DOK6: variants seen among roughly 807,000 people sequenced by gnomAD.
The protein encoded by DOK6 is downstream of tyrosine kinase 6.
DOK6 carries 22 observed loss-of-function variants against 44.0 expected under a neutral mutation model. The observed-to-expected ratio is 0.50, with a 90% CI of 0.36 to 0.71. The LOEUF is 0.71. Ranked by LOEUF, DOK6 falls within the 30% of genes least tolerant of loss-of-function variation. The pLI is 0.00. For missense variants in DOK6, 340 were observed against 416.4 expected (o/e 0.82, Z 1.60); for synonymous variants, 166 against 145.5 (o/e 1.14, Z -1.01).
chr18:69,533,663 G>T (rs9956018), intron 1 of DOK6, among the ~76,000 whole-genome samples: 56,557 of 151,840 alleles, frequency 0.37, 11,364 homozygotes, highest in African/African-American at 0.52. Context: ...TAAGTTATGA[G>T]ATAATGAATT....
chr18:69,547,399 G>A (rs959773965), intron 1 of DOK6, among the ~76,000 whole-genome samples: 4 of 150,878 alleles, frequency 2.7e-5, no homozygotes, highest in South Asian at 4.2e-4. Context: ...GCACCCTGCC[G>A]GGCACACACT....
chr18:69,504,368 C>A (rs1981127452), intron 1 of DOK6, among the ~76,000 whole-genome samples: 1 of 151,914 alleles, frequency 6.6e-6, no homozygotes, highest in South Asian at 2.1e-4. Context: ...AAAAAAAGCA[C>A]CAGCACTTTC....
intron 2 of DOK6, among the ~76,000 whole-genome samples, chr18:69,579,536 A>G (rs1013997992): frequency 6.6e-6 from 1 of 150,494 alleles, no homozygotes; most frequent in African/African-American, 2.4e-5. Flanking sequence ...GGTTTGTCCA[A>G]CTCTCCGAAG....
intron 1 of DOK6, among the ~76,000 whole-genome samples, chr18:69,497,241 A>C (rs973142539): frequency 6.6e-6 from 1 of 152,230 alleles, no homozygotes; most frequent in African/African-American, 2.4e-5. Flanking sequence ...TGAAATATAC[A>C]TTTCTTAAAC....
intron 7 of DOK6, among the ~76,000 whole-genome samples, chr18:69,809,320 A>C (rs1473812617): frequency 2.6e-5 from 4 of 151,890 alleles, no homozygotes; most frequent in Non-Finnish European, 5.9e-5. Context: ...AAGAAAGGCC[A>C]TCTATGACAA....
intron 6 of DOK6, among the ~76,000 whole-genome samples, chr18:69,741,469 A>G (rs1236915185): frequency 6.6e-6 from 1 of 152,192 alleles, no homozygotes; most frequent in African/African-American, 2.4e-5. Flanking sequence ...ATTTTTTTAT[A>G]GATACCTCAA....
intron 3 of DOK6, among the ~76,000 whole-genome samples, chr18:69,649,569 C>T (rs1476069557): frequency 6.6e-6 from 1 of 152,130 alleles, no homozygotes; most frequent in African/African-American, 2.4e-5. Flanking sequence ...TTTTCTGCAT[C>T]CCCCTTCTTA....
intron 1 of DOK6, among the ~76,000 whole-genome samples, chr18:69,410,833 A>G (rs1055451712): frequency 1.3e-5 from 2 of 152,176 alleles, no homozygotes; most frequent in African/African-American, 2.4e-5. Flanking sequence ...GATTTTCCCA[A>G]TGGGAGATTC....
At chr18:69,803,487 C>A (rs1212427996) in intron 7 of DOK6, among the ~76,000 whole-genome samples, 1 of 152,136 alleles carries the variant, frequency 6.6e-6, no homozygotes, top group Non-Finnish European at 1.5e-5. Flanking sequence ...AGATGACTCA[C>A]AATTTTATAG....
At chr18:69,720,371 C>T (rs1316259729) in intron 5 of DOK6, among the ~76,000 whole-genome samples, 1 of 152,062 alleles carries the variant, frequency 6.6e-6, no homozygotes, top group African/African-American at 2.4e-5. Flanking sequence ...TTTATGTTTG[C>T]ATTCCCCTTT....
At chr18:69,775,689 G>A (rs557118696) in intron 7 of DOK6, among the ~76,000 whole-genome samples, 49 of 151,690 alleles carry the variant, frequency 3.2e-4, no homozygotes, top group African/African-American at 1.1e-3. Context: ...ATATAAATAT[G>A]TAGAATCAAA....
intron 7 of DOK6, among the ~76,000 whole-genome samples, chr18:69,768,954 C>CGTGTGTGTGTGTGTGTGTGT (rs61202412): frequency 0.16 from 22,410 of 142,428 alleles, 2,328 homozygotes; most frequent in East Asian, 0.28. Context: ...GAAGGGTGTG[C>CGTGTGTGTGTGTGTGTGTGT]GTGTGTGTGT....
At chr18:69,732,483 A>T (rs568610299) in intron 5 of DOK6, among the ~76,000 whole-genome samples, 79 of 152,320 alleles carry the variant, frequency 5.2e-4, no homozygotes, top group Middle Eastern at 3.4e-3. Context: ...GCATAAAGAT[A>T]AATAGAAGAG....
rs1034100886 is a variant in DOK6 at position 69,847,445 on chromosome 18, C to T, written c.*6062C>T. On this transcript the variant is annotated 3_prime_UTR_variant, in exon 8 of 8. Transcript: ENST00000382713. ...GAGACCCACAGCCTCAAAAGAGTTG[C>T]TTATTATCAGATGTCCGAAATTCAG... 4 of 152,164 alleles carry T rather than the reference C, an allele frequency of 2.6e-5. No individual in the cohort carries two copies. The highest frequency in any genetic ancestry group is 9.7e-5 in the African/African-American group (4 of 41,436). 9.4% of individuals were successfully genotyped at this position (152,164 alleles called of 1,614,324 possible). A position where few individuals can be genotyped will look rare whatever the true frequency, so the allele number is the denominator to read the frequency against.
At chr18:69,553,103 A>T (rs997373284) in intron 1 of DOK6, among the ~76,000 whole-genome samples, 1 of 152,232 alleles carries the variant, frequency 6.6e-6, no homozygotes, top group Admixed American at 6.5e-5. Flanking sequence ...TAAAATATCA[A>T]TTTCTTCATC....
intron 3 of DOK6, among the ~76,000 whole-genome samples, chr18:69,604,014 G>A (rs1983939140): frequency 6.6e-6 from 1 of 152,008 alleles, no homozygotes; most frequent in African/African-American, 2.4e-5. Context: ...GTCATTAATA[G>A]CATTCTTCAT....
Position 69,561,757 on chromosome 18 carries a change from G to A in DOK6, c.67-2730G>A, listed in dbSNP as rs562396164. ...TCCTGAAAAGGATGTAAGAAAGAAA[G>A]AGTAAAATCAACTTACGGATATGCT... On this transcript the variant is annotated intron_variant, in intron 1 of 7. Coordinates refer to ENST00000382713, the MANE Select transcript of DOK6 (RefSeq NM_152721.6). Among the ~76,000 whole-genome samples, 232 of 152,218 alleles carry A rather than the reference G, an allele frequency of 1.5e-3. 2 individuals are homozygous for A. Among genetic ancestry groups the A allele is most frequent in the African/African-American group, 5.3e-3 (221 of 41,554 alleles).
intron 3 of DOK6, among the ~76,000 whole-genome samples, chr18:69,602,826 T>C (rs1983904119): frequency 6.6e-6 from 1 of 152,202 alleles, no homozygotes; most frequent in Admixed American, 6.5e-5. Context: ...ATCAAGGATA[T>C]ATTAAAAATT....
chr18:69,607,218 T>G (rs779027243), intron 3 of DOK6, among the ~76,000 whole-genome samples: 34 of 151,956 alleles, frequency 2.2e-4, no homozygotes, highest in Non-Finnish European at 4.3e-4. Context: ...CCAGGGGGAG[T>G]GAGCAGTTTC....
Sources: allele counts gnomAD v4.1 joint callset (sites outside exome capture counted in the v4.1 genomes callset), GRCh38; gene constraint gnomAD v4.1.1; transcripts MANE v1.5; gene names NCBI Gene and HGNC (gene_info 2026-07-23, HGNC 2026-07-21).